The following RNLS variants were observed in gnomAD, a reference collection of about 807,000 sequenced individuals.
RNLS encodes renalase.
RNLS carries 39 observed loss-of-function variants against 39.8 expected under a neutral mutation model. The ratio of observed to expected loss-of-function variants is 0.98; its 90% CI spans 0.76 to 1.28. The LOEUF is 1.28. RNLS is among the 50% of genes most tolerant of loss of function. RNLS has a pLI of 0.00. For missense variants in RNLS, 410 were observed against 413.3 expected, an observed-to-expected ratio of 0.99 and a Z score of 0.07; for synonymous variants, 147 against 150.7, an observed-to-expected ratio of 0.98 and a Z score of 0.18.
intron 4 of RNLS, among the ~76,000 whole-genome samples, chr10:88,479,447 G>C (rs1190076053): frequency 6.6e-6 from 1 of 152,108 alleles, no homozygotes; most frequent in African/African-American, 2.4e-5. Context: ...GAAAAATGGA[G>C]CTAATTTAAG....
chr10:88,171,915 G>T, the RNLS span, among the ~76,000 whole-genome samples: 1 of 152,098 alleles, frequency 6.6e-6, no homozygotes, highest in Non-Finnish European at 1.5e-5. Context: ...TCATATGAGT[G>T]ATTCTATGTC....
At position 88,285,029 on chromosome 10, in the gene RNLS, G is replaced by T; in HGVS notation, c.*325C>A. On this transcript the variant is annotated 3_prime_UTR_variant, in exon 7 of 7. Coordinates refer to ENST00000331772, the MANE Select transcript of RNLS (RefSeq NM_001031709.3). Reference sequence around the variant, plus strand: ...TTTCATAAGGATAATCAAGTTTTTGGCACACAAACTGTTATTGTGATTTAA... The same window carrying T: ...TTTCATAAGGATAATCAAGTTTTTGTCACACAAACTGTTATTGTGATTTAA... 3.0e-6 allele frequency: 3 copies of T among 1,013,992 alleles called. No homozygotes were observed. The highest frequency in any genetic ancestry group is 3.5e-6 in the Non-Finnish European group (3 of 849,222). The allele number at this position is 1,013,992 out of a possible 1,614,324, so 62.8% of individuals were successfully genotyped here.
intron 4 of RNLS, among the ~76,000 whole-genome samples, chr10:88,559,535 A>G (rs1206557296): frequency 6.6e-6 from 1 of 152,096 alleles, no homozygotes; most frequent in East Asian, 1.9e-4. Flanking sequence ...AAATCAGTCC[A>G]TTTTCAGCCT....
At chr10:88,313,258 C>T (rs1845519382) in intron 6 of RNLS, among the ~76,000 whole-genome samples, 1 of 152,146 alleles carries the variant, frequency 6.6e-6, no homozygotes, top group South Asian at 2.1e-4. Context: ...GAGGAAACCT[C>T]ATAAACGAAT....
chr10:88,275,716 C>T (rs1842789267), intron 6 of RNLS, among the ~76,000 whole-genome samples: 2 of 152,212 alleles, frequency 1.3e-5, no homozygotes, highest in African/African-American at 2.4e-5. Flanking sequence ...TGGATACATA[C>T]ATATGGTATC....
At chr10:88,387,504 A>AAAAAAAAAAAAAAAAAAAAAAAAAAC in intron 4 of RNLS, among the ~76,000 whole-genome samples, 1 of 13,626 alleles carries the variant, frequency 7.3e-5, no homozygotes, top group Non-Finnish European at 1.5e-4. Flanking sequence ...GAACAGAGCA[A>AAAAAAAAAAAAAAAAAAAAAAAAAAC]AAAAAAAAAA....
chr10:88,428,997 A>C (rs1720133138), intron 4 of RNLS, among the ~76,000 whole-genome samples: 1 of 151,924 alleles, frequency 6.6e-6, no homozygotes, highest in Admixed American at 6.6e-5. Flanking sequence ...AGGCTTACTA[A>C]GTAATATTCT....
intron 5 of RNLS, among the ~76,000 whole-genome samples, chr10:88,357,751 T>C (rs552955525): frequency 5.3e-4 from 81 of 152,184 alleles, no homozygotes; most frequent in Non-Finnish European, 9.7e-4. Flanking sequence ...AGGTGCACCA[T>C]TTCTAGGCCT....
At chr10:88,353,286 C>T (rs529427433) in intron 5 of RNLS, among the ~76,000 whole-genome samples, 1 of 152,264 alleles carries the variant, frequency 6.6e-6, no homozygotes, top group Non-Finnish European at 1.5e-5. Context: ...TTCTCTAGTT[C>T]TTTTAATTGT....
chr10:88,509,810 A>G (rs2765440), intron 4 of RNLS, among the ~76,000 whole-genome samples: 43,702 of 152,078 alleles, frequency 0.29, 7,218 homozygotes, highest in East Asian at 0.49. Context: ...AGCTATGATT[A>G]TTAAATACCA....
At chr10:88,224,723 A>G in the RNLS span, among the ~76,000 whole-genome samples, 17 of 152,206 alleles carry the variant, frequency 1.1e-4, no homozygotes, top group African/African-American at 3.9e-4. Flanking sequence ...TGGGGTTAAT[A>G]GGGATCTCTT....
chr10:88,297,793 C>T (rs1006512366), intron 6 of RNLS, among the ~76,000 whole-genome samples: 1 of 152,090 alleles, frequency 6.6e-6, no homozygotes, highest in Admixed American at 6.6e-5. Context: ...TTGTTGTGAA[C>T]ATTTGTGTAT....
the RNLS span, among the ~76,000 whole-genome samples, chr10:88,227,439 G>C: frequency 2.6e-5 from 4 of 152,198 alleles, no homozygotes; most frequent in African/African-American, 9.7e-5. Flanking sequence ...TGCTATGGTA[G>C]CGATGAACCC....
chr10:88,183,779 T>C, the RNLS span, among the ~76,000 whole-genome samples: 2 of 152,182 alleles, frequency 1.3e-5, no homozygotes, highest in African/African-American at 2.4e-5. Flanking sequence ...CCCTGATCCA[T>C]GTAATGCCAG....
intron 4 of RNLS, among the ~76,000 whole-genome samples, chr10:88,465,649 G>A (rs1243865747): frequency 3.3e-5 from 5 of 152,030 alleles, no homozygotes; most frequent in Admixed American, 6.6e-5. Flanking sequence ...ATGGCCAATC[G>A]AATTGAGGGT....
the RNLS span, among the ~76,000 whole-genome samples, chr10:88,203,456 G>GTATGTGTGTATATATA: frequency 8.3e-4 from 1 of 1,206 alleles, no homozygotes; most frequent in Non-Finnish European, 1.6e-3. Context: ...GTGTGTGTGT[G>GTATGTGTGTATATATA]TATATATATA....
chr10:88,485,215 A>G (rs1262903635), intron 4 of RNLS, among the ~76,000 whole-genome samples: 2 of 151,964 alleles, frequency 1.3e-5, no homozygotes, highest in Non-Finnish European at 2.9e-5. Context: ...TTCAAAATTT[A>G]TTATTAATAT....
chr10:88,532,095 T>G (rs1367151768), intron 4 of RNLS, among the ~76,000 whole-genome samples: 2 of 152,092 alleles, frequency 1.3e-5, no homozygotes, highest in Non-Finnish European at 1.5e-5. Context: ...TCAAAGTCCC[T>G]TCTAAATTTT....
intron 4 of RNLS, among the ~76,000 whole-genome samples, chr10:88,390,249 C>T (rs1195011233): frequency 1.3e-5 from 2 of 152,164 alleles, no homozygotes; most frequent in Non-Finnish European, 2.9e-5. Context: ...CTCTGGGACG[C>T]TATCTGGGTC....
Sources: gnomAD v4.1 joint callset for allele counts (sites outside exome capture counted in the v4.1 genomes callset) on GRCh38, gnomAD v4.1.1 for gene constraint, MANE v1.5 for transcripts, NCBI Gene and HGNC (gene_info 2026-07-23, HGNC 2026-07-21) for gene names.